Variants in CASZ1 observed in about 807,000 individuals in gnomAD.
The protein encoded by CASZ1 is zinc finger protein castor homolog 1.
CASZ1 carries 28 observed loss-of-function variants against 135.2 expected under a neutral mutation model. The observed-to-expected ratio is 0.21, with a 90% CI of 0.15 to 0.28. The LOEUF (loss-of-function observed/expected upper bound fraction) is 0.28. CASZ1 is among the 10% of genes least tolerant of loss of function. The pLI is 1.00. For missense variants in CASZ1, 2,161 were observed against 2,453.3 expected, an observed-to-expected ratio of 0.88 and a Z score of 2.52; for synonymous variants, 1,068 against 1,073.4, an observed-to-expected ratio of 0.99 and a Z score of 0.10.
intron 4 of CASZ1, among the ~76,000 whole-genome samples, chr1:10,688,228 G>T (rs1638656535): frequency 6.6e-6 from 1 of 152,188 alleles, no homozygotes; most frequent in African/African-American, 2.4e-5. Flanking sequence ...CAACGTCACA[G>T]GTCTACCCGG....
At chr1:10,672,760 A>T (rs1385498744) in intron 4 of CASZ1, among the ~76,000 whole-genome samples, 1 of 152,216 alleles carries the variant, frequency 6.6e-6, no homozygotes, top group Non-Finnish European at 1.5e-5. Context: ...ATGAAAAACC[A>T]TCATAAAACT....
chr1:10,640,816 G>A (rs532951152), intron 20 of CASZ1, among the ~76,000 whole-genome samples: 1 of 152,318 alleles, frequency 6.6e-6, no homozygotes, highest in Admixed American at 6.5e-5. Context: ...TTTATGTCCA[G>A]CTGGCCCAGA....
At chr1:10,645,327 A>G (rs998991619) in intron 17 of CASZ1, among the ~76,000 whole-genome samples, 1 of 152,214 alleles carries the variant, frequency 6.6e-6, no homozygotes, top group Non-Finnish European at 1.5e-5. Flanking sequence ...TCAGGAGATC[A>G]AGACCATCCT....
chr1:10,692,935 G>A (rs1053165865), intron 4 of CASZ1, among the ~76,000 whole-genome samples: 30 of 152,342 alleles, frequency 2.0e-4, no homozygotes, highest in African/African-American at 6.5e-4. Context: ...CATTTAAGAA[G>A]ACAGCTGCTT....
At position 10,647,852 on chromosome 1, in the gene CASZ1, A is replaced by G. The variant is rs1414898052; in HGVS notation, c.3446T>C (p.Leu1149Pro). 6.2e-7 allele frequency: 1 copy of G among 1,613,840 alleles called. No individual in the cohort carries two copies. Among genetic ancestry groups the G allele is most frequent in the Admixed American group, 1.7e-5 (1 of 60,016 alleles). Residue 1149 changes from leucine to proline, a missense_variant, in exon 16 of 21, where the codon CTA becomes CCA. Coordinates refer to ENST00000377022, the MANE Select transcript of CASZ1 (RefSeq NM_001079843.3). This position sits in a 1 kb window ranked among gnomAD's most constrained non-coding sequence, Gnocchi z 4.9. ...TTTGACCTGGGGCTTGGCGTTCTCTAGAGAAGTCGTTGCCAAGGGCGAGGC... is the reference window on the plus strand; with the variant it reads ...TTTGACCTGGGGCTTGGCGTTCTCTGGAGAAGTCGTTGCCAAGGGCGAGGC... ...LPASPLATTS[L>P]ENAKPQVKPG...
At chr1:10,791,916 A>G (rs1051787521) in intron 1 of CASZ1, among the ~76,000 whole-genome samples, 3 of 152,052 alleles carry the variant, frequency 2.0e-5, no homozygotes, top group Admixed American at 1.3e-4. Flanking sequence ...ACAACACAAT[A>G]ATTAGCAAAG....
rs1336581976 is a variant in CASZ1 at position 10,724,139 on chromosome 1, G to A, written c.-76-18595C>T. ...CCTCCCCATCTTTGCCAAAAGAGGT[G>A]TCAGGCTAACGTTACACCAGCTTTA... On this transcript the variant is annotated intron_variant, in intron 2 of 20. Transcript: ENST00000377022. The surrounding 1 kb of genome is among the most constrained non-coding windows in gnomAD (Gnocchi z 4.1). Among the ~76,000 whole-genome samples the A allele has an allele frequency of 6.6e-6, 1 of 152,142 alleles. No homozygotes were observed. The highest frequency in any genetic ancestry group is 1.5e-5 in the Non-Finnish European group (1 of 68,030).
chr1:10,647,541 G>T lies in CASZ1; in HGVS notation c.3497+260C>A. On this transcript the variant is annotated intron_variant, in intron 16 of 20. Transcript: ENST00000377022. This position sits in a 1 kb window ranked among gnomAD's most constrained non-coding sequence, Gnocchi z 4.9. Reference sequence around the variant, plus strand: ...CAGTCCACCCCACCTGGCCCTGGCAGGATCACCACATGCCCTGCAGGAGCA... The same window carrying T: ...CAGTCCACCCCACCTGGCCCTGGCATGATCACCACATGCCCTGCAGGAGCA... 7.3e-7 allele frequency: 1 copy of T among 1,374,246 alleles called. No individual in the cohort carries two copies. The highest frequency in any genetic ancestry group is 9.4e-7 in the Non-Finnish European group (1 of 1,061,278). The allele number at this position is 1,374,246 out of a possible 1,614,324, so 85.1% of individuals were successfully genotyped here.
At chr1:10,655,518 G>T in intron 9 of CASZ1, 131 bp downstream of exon 9, 1 of 888,758 alleles carries the variant, frequency 1.1e-6, no homozygotes, top group Non-Finnish European at 1.7e-6. Context: ...TGGGCCAGGG[G>T]AAAGAGAGGC....
intron 2 of CASZ1, among the ~76,000 whole-genome samples, chr1:10,723,900 C>T (rs1639549947): frequency 6.6e-6 from 1 of 152,198 alleles, no homozygotes; most frequent in Non-Finnish European, 1.5e-5. Flanking sequence ...GGTCATGTGC[C>T]CCAGCCCCAG....
chr1:10,653,544 G>C lies in CASZ1; in HGVS notation c.2513C>G (p.Thr838Arg). The C allele has an allele frequency of 6.3e-7, 1 of 1,595,452 alleles. No homozygotes were observed. The highest frequency in any genetic ancestry group is 8.6e-7 in the Non-Finnish European group (1 of 1,169,354). The change falls in exon 11 of 21, where the codon ACG (threonine) becomes AGG (arginine). Residue 838 changes from threonine to arginine, a missense_variant. Physicochemically the swap from Thr to Arg is moderately conservative, Grantham distance 71 (BLOSUM62 -1). Transcript: ENST00000377022. ...GTCTCCAGCTCCCGAGGCGACCAGC[G>C]TGGGTGTGTCAGGGGTGGCTGAGGC... ...SAASATPDTP[T>R]LVASGAGDSA...
At chr1:10,703,717 G>T (rs138486500) in intron 3 of CASZ1, among the ~76,000 whole-genome samples, 2 of 152,274 alleles carry the variant, frequency 1.3e-5, no homozygotes, top group African/African-American at 4.8e-5. Flanking sequence ...CTCTCGAGCG[G>T]GGGCCGGAAA....
chr1:10,656,560 C>T lies in CASZ1; in HGVS notation c.1500+86G>A, dbSNP rs939778700. 2.1e-5 allele frequency: 21 copies of T among 1,009,954 alleles called. No homozygotes were observed. The South Asian group carries it at 2.3e-4, about 11-fold the overall frequency. The allele number at this position is 1,009,954 out of a possible 1,614,324, so 62.6% of individuals were successfully genotyped here. On this transcript the variant is annotated intron_variant, in intron 8 of 20. Transcript: ENST00000377022. Reference sequence around the variant, plus strand: ...TGGTGCAACTAGAACTAACCCCCCCCACTGCCGTCCCCGCCTGCCGACTTC... The same window carrying T: ...TGGTGCAACTAGAACTAACCCCCCCTACTGCCGTCCCCGCCTGCCGACTTC...
Position 10,709,861 on chromosome 1 carries a change from C to T in CASZ1, c.-76-4317G>A, listed in dbSNP as rs997702209. Reference sequence around the variant, plus strand: ...CAGGACAATGAGGGGGCCGGCGGCCCGCACAGGCCAGCAGGTGCCCGATCG... The same window carrying T: ...CAGGACAATGAGGGGGCCGGCGGCCTGCACAGGCCAGCAGGTGCCCGATCG... On this transcript the variant is annotated intron_variant, in intron 2 of 20. Coordinates refer to ENST00000377022, the MANE Select transcript of CASZ1 (RefSeq NM_001079843.3). The surrounding 1 kb of genome is among the most constrained non-coding windows in gnomAD (Gnocchi z 5.1). Among the ~76,000 whole-genome samples the T allele has an allele frequency of 6.6e-6, 1 of 152,176 alleles. No homozygotes were observed. Among genetic ancestry groups the T allele is most frequent in the Non-Finnish European group, 1.5e-5 (1 of 68,024 alleles).
At position 10,747,973 on chromosome 1, in the gene CASZ1, C is replaced by T. The variant is rs570277596; in HGVS notation, c.-77+12728G>A. On this transcript the variant is annotated intron_variant, in intron 2 of 20. Coordinates refer to ENST00000377022, the MANE Select transcript of CASZ1 (RefSeq NM_001079843.3). This position sits in a 1 kb window ranked among gnomAD's most constrained non-coding sequence, Gnocchi z 4.3. ...CTGGGACTAGAGGCACCCGCCACCA[C>T]GCCCGGCTAAGTTTTTTGTATTTTT... is the stretch of plus-strand genomic sequence containing the variant. Among the ~76,000 whole-genome samples the T allele has an allele frequency of 6.6e-5, 10 of 152,192 alleles. No homozygotes were observed. Among genetic ancestry groups the T allele is most frequent in the Non-Finnish European group, 8.8e-5 (6 of 68,048 alleles).
chr1:10,670,505 T>G (rs1643366464), intron 4 of CASZ1, among the ~76,000 whole-genome samples: 2 of 152,194 alleles, frequency 1.3e-5, no homozygotes, highest in Admixed American at 6.5e-5. Context: ...AGCCCCAGTT[T>G]TGGGGTGCTG....
At chr1:10,695,465 C>G (rs982831424) in intron 3 of CASZ1, among the ~76,000 whole-genome samples, 1 of 151,788 alleles carries the variant, frequency 6.6e-6, no homozygotes, top group Admixed American at 6.6e-5. Context: ...ATCACTTGCG[C>G]TTCCTCCCTG....
chr1:10,761,544 C>CA (rs954492833), intron 1 of CASZ1, among the ~76,000 whole-genome samples: 3 of 146,686 alleles, frequency 2.0e-5, no homozygotes, highest in East Asian at 2.0e-4. Flanking sequence ...GGTGTTGGGA[C>CA]AAAAAAAAAA....
rs1355755991 is a variant in CASZ1 at position 10,697,243 on chromosome 1, C to A, written c.-23-3331G>T. ...ATGGAGGGGCCCCCAGATTATGCGC[C>A]CCCCCCTTCTCTCTCTTTCTCTCTG... On this transcript the variant is annotated intron_variant, in intron 3 of 20. Coordinates refer to ENST00000377022, the MANE Select transcript of CASZ1 (RefSeq NM_001079843.3). This position sits in a 1 kb window ranked among gnomAD's most constrained non-coding sequence, Gnocchi z 4.7. Among the ~76,000 whole-genome samples the A allele has an allele frequency of 6.6e-6, 1 of 151,626 alleles. No individual in the cohort carries two copies. Among genetic ancestry groups the A allele is most frequent in the African/African-American group, 2.4e-5 (1 of 41,138 alleles).
Sources: allele counts gnomAD v4.1 joint callset (sites outside exome capture counted in the v4.1 genomes callset), GRCh38; gene constraint gnomAD v4.1.1; non-coding constraint Gnocchi (gnomAD v3.1); transcripts MANE v1.5; gene names NCBI Gene and HGNC (gene_info 2026-07-23, HGNC 2026-07-21).